Variants in FBXL7 observed in about 807,000 individuals in gnomAD.
FBXL7 encodes F-box/LRR-repeat protein 7.
FBXL7 carries 12 observed loss-of-function variants against 38.3 expected under a neutral mutation model. That is an observed-to-expected ratio of 0.31 (90% CI 0.20 to 0.51). The LOEUF (loss-of-function observed/expected upper bound fraction) is 0.51, where lower values mean the gene tolerates loss of function less well. Among genes scored for constraint, FBXL7 ranks in the 20% least tolerant of loss-of-function variants. FBXL7 has a pLI of 0.98. For synonymous variants in FBXL7, 297 were observed against 300.9 expected (o/e 0.99, Z 0.13); for missense variants, 567 against 676.4 (o/e 0.84, Z 1.79).
At chr5:15,540,585 T>G (rs1737711824) in intron 1 of FBXL7, among the ~76,000 whole-genome samples, 1 of 152,200 alleles carries the variant, frequency 6.6e-6, no homozygotes, top group Non-Finnish European at 1.5e-5. Flanking sequence ...ACCTGGTATC[T>G]TGTCCATTCA....
chr5:15,872,376 T>C (rs1459119436), intron 2 of FBXL7, among the ~76,000 whole-genome samples: 2 of 152,138 alleles, frequency 1.3e-5, no homozygotes, highest in African/African-American at 4.8e-5. Context: ...ACTAGCCAGC[T>C]AGCATCATAA....
Position 15,712,888 on chromosome 5 carries a change from A to G in FBXL7, c.127+96816A>G, listed in dbSNP as rs181587780. Among the ~76,000 whole-genome samples, 394 of 152,244 alleles carry G rather than the reference A, an allele frequency of 2.6e-3. 1 individual carries two copies. Among genetic ancestry groups the G allele is most frequent in the African/African-American group, 8.9e-3 (370 of 41,552 alleles). The stretch of plus-strand genomic sequence containing the variant: ...CCCACCAACAGAGCTGTGGTCCAGC[A>G]TCTACTCAGACCAAAAAGCTACAGC... On this transcript the variant is annotated intron_variant, in intron 2 of 3. Transcript: ENST00000504595.
intron 2 of FBXL7, among the ~76,000 whole-genome samples, chr5:15,618,024 G>A (rs1048233531): frequency 4.6e-5 from 7 of 152,058 alleles, no homozygotes; most frequent in African/African-American, 1.7e-4. Flanking sequence ...CAGGGGTTGG[G>A]GGAGGGTAGT....
chr5:15,768,543 GA>G (rs778296921), intron 2 of FBXL7, among the ~76,000 whole-genome samples: 10 of 143,814 alleles, frequency 7.0e-5, no homozygotes, highest in East Asian at 2.0e-4. Flanking sequence ...AAAAAAAAAA[GA>G]AAAAAAAGAG....
intron 1 of FBXL7, among the ~76,000 whole-genome samples, chr5:15,546,958 GA>G (rs898514241): frequency 6.6e-6 from 1 of 152,174 alleles, no homozygotes; most frequent in African/African-American, 2.4e-5. Context: ...GAAGCTTTTT[GA>G]GCACATCGTA....
At chr5:15,834,873 A>G (rs568725316) in intron 2 of FBXL7, among the ~76,000 whole-genome samples, 2 of 152,332 alleles carry the variant, frequency 1.3e-5, no homozygotes, top group South Asian at 4.1e-4. Flanking sequence ...ACATCCTGCA[A>G]ATGGTATTGT....
In FBXL7 at chr5:15,830,485, A is replaced by AACACACACAC. The variant is rs57825713; in HGVS notation, c.128-97374_128-97365dup. Among the ~76,000 whole-genome samples the AACACACACAC allele has an allele frequency of 5.5e-4, 79 of 144,296 alleles. 1 individual carries two copies. Among genetic ancestry groups the AACACACACAC allele is most frequent in the African/African-American group, 1.9e-3 (73 of 38,766 alleles). 94.7% of individuals were successfully genotyped at this position (144,296 alleles called of 152,430 possible). On this transcript the variant is annotated intron_variant, in intron 2 of 3. Coordinates refer to ENST00000504595, the MANE Select transcript of FBXL7 (RefSeq NM_012304.5). ...GGCGACAGAGTGAGACTCCATCTAA[A>AACACACACAC]ACACACACACACACACACACACACA...
intron 2 of FBXL7, among the ~76,000 whole-genome samples, chr5:15,748,410 G>C (rs1736068096): frequency 1.3e-5 from 2 of 152,210 alleles, no homozygotes; most frequent in Admixed American, 1.3e-4. Flanking sequence ...ACGTGTCAAG[G>C]GTGGGGCCAG....
intron 1 of FBXL7, among the ~76,000 whole-genome samples, chr5:15,558,385 A>G (rs1302742763): frequency 6.6e-6 from 1 of 152,148 alleles, no homozygotes; most frequent in Non-Finnish European, 1.5e-5. Flanking sequence ...CTCAAGCCCA[A>G]TTTCTCTTTC....
At chr5:15,500,773 C>G in intron 1 of FBXL7, 60 bp downstream of exon 1, 1 of 1,580,048 alleles carries the variant, frequency 6.3e-7, no homozygotes. Flanking sequence ...TTTCCCTCGC[C>G]CTCCCGACTG....
intron 1 of FBXL7, among the ~76,000 whole-genome samples, chr5:15,514,738 G>A (rs115089573): frequency 0.016 from 2,438 of 152,204 alleles, 64 homozygotes; most frequent in African/African-American, 0.056. Context: ...GGACTGACAT[G>A]TCCCTGCCCC....
intron 2 of FBXL7, among the ~76,000 whole-genome samples, chr5:15,884,840 A>C (rs1740610659): frequency 6.6e-6 from 1 of 152,208 alleles, no homozygotes; most frequent in Admixed American, 6.5e-5. Flanking sequence ...TTTCCCCTCC[A>C]AAATAAATGT....
intron 2 of FBXL7, among the ~76,000 whole-genome samples, chr5:15,644,304 CAAAAAAAAAAAAAA>C (rs369213583): frequency 6.3e-5 from 6 of 94,808 alleles, no homozygotes; most frequent in South Asian, 9.5e-4. Flanking sequence ...ACTAAAAATC[CAAAAAAAAAAAAAA>C]AAAAAAAAAG....
intron 2 of FBXL7, among the ~76,000 whole-genome samples, chr5:15,653,312 C>A (rs192303168): frequency 6.6e-6 from 1 of 152,096 alleles, no homozygotes; most frequent in Non-Finnish European, 1.5e-5. Context: ...GTAAAGAATG[C>A]AGTATTTATG....
intron 2 of FBXL7, among the ~76,000 whole-genome samples, chr5:15,801,142 CA>C (rs1737554406): frequency 6.6e-6 from 1 of 152,170 alleles, no homozygotes; most frequent in Non-Finnish European, 1.5e-5. Context: ...ATCTCCTTTA[CA>C]AAAGTCAACT....
chr5:15,699,402 C>A (rs1743453145), intron 2 of FBXL7, among the ~76,000 whole-genome samples: 1 of 152,158 alleles, frequency 6.6e-6, no homozygotes, highest in South Asian at 2.1e-4. Context: ...CAGCTTGCAG[C>A]TGCATTGCTC....
rs529323946 is a variant in FBXL7 at position 15,685,075 on chromosome 5, T to A, written c.127+69003T>A. On this transcript the variant is annotated intron_variant, in intron 2 of 3. Coordinates refer to ENST00000504595, the MANE Select transcript of FBXL7 (RefSeq NM_012304.5). The stretch of plus-strand genomic sequence containing the variant: ...ATTTAGTAAGTCGGATCCCTGCTTA[T>A]CTAAAATTTTACCTGATAGTAGTGT... 6.6e-5 allele frequency among the ~76,000 whole-genome samples: 10 copies of A among 152,218 alleles called. No homozygotes were observed. In the South Asian group the frequency reaches 2.1e-3, roughly 32 times the overall value.
At chr5:15,745,029 A>G (rs1258648303) in intron 2 of FBXL7, among the ~76,000 whole-genome samples, 1 of 152,214 alleles carries the variant, frequency 6.6e-6, no homozygotes, top group Non-Finnish European at 1.5e-5. Flanking sequence ...ACAATTTAAG[A>G]TGAGATTTTG....
At chr5:15,651,312 A>G (rs916913333) in intron 2 of FBXL7, among the ~76,000 whole-genome samples, 2 of 151,938 alleles carry the variant, frequency 1.3e-5, no homozygotes, top group African/African-American at 4.8e-5. Flanking sequence ...TAGCCAGGAT[A>G]GTCTCCATCT....
Sources: gnomAD v4.1 joint callset for allele counts (sites outside exome capture counted in the v4.1 genomes callset) on GRCh38, gnomAD v4.1.1 for gene constraint, MANE v1.5 for transcripts, NCBI Gene and HGNC (gene_info 2026-07-23, HGNC 2026-07-21) for gene names.